Variants in DSCAM observed in about 807,000 individuals in gnomAD.
DSCAM encodes the protein cell adhesion molecule DSCAM.
A neutral mutation model predicts 217.7 loss-of-function variants in DSCAM; 47 were observed. That is an observed-to-expected ratio of 0.22 (90% confidence interval 0.17 to 0.28). DSCAM has a LOEUF of 0.28. Among genes scored for constraint, DSCAM ranks in the 10% least tolerant of loss-of-function variants. DSCAM has a pLI of 1.00. For missense variants in DSCAM, 2,080 were observed against 2,618.3 expected (o/e 0.79, Z 4.49); for synonymous variants, 1,056 against 1,015.3 (o/e 1.04, Z -0.76).
chr21:40,483,336 A>G (rs183542462), intron 3 of DSCAM, among the ~76,000 whole-genome samples: 6 of 152,320 alleles, frequency 3.9e-5, no homozygotes, highest in African/African-American at 1.4e-4. Flanking sequence ...GCTACCTATT[A>G]TGGATAAGTA....
intron 3 of DSCAM, among the ~76,000 whole-genome samples, chr21:40,568,357 A>G (rs542850226): frequency 2.2e-4 from 34 of 152,276 alleles, no homozygotes; most frequent in African/African-American, 8.2e-4. Context: ...AAAAAAGACA[A>G]TGAATTTGGA....
chr21:40,614,083 AC>A (rs1444253377), intron 3 of DSCAM, among the ~76,000 whole-genome samples: 1 of 151,944 alleles, frequency 6.6e-6, no homozygotes, highest in Non-Finnish European at 1.5e-5. Context: ...AACCAGTCCC[AC>A]CCCAGTCCCA....
chr21:40,594,344 G>C (rs1313284894), intron 3 of DSCAM, among the ~76,000 whole-genome samples: 2 of 152,182 alleles, frequency 1.3e-5, no homozygotes, highest in Non-Finnish European at 2.9e-5. Context: ...TTTACAGTGT[G>C]ACATAGCTTA....
intron 3 of DSCAM, among the ~76,000 whole-genome samples, chr21:40,583,971 T>C (rs913438422): frequency 4.2e-4 from 63 of 151,434 alleles, no homozygotes; most frequent in African/African-American, 1.5e-3. Context: ...CGTTTTTCTG[T>C]ATTTTGAAAA....
chr21:40,545,285 C>A (rs2076572911), intron 3 of DSCAM, among the ~76,000 whole-genome samples: 1 of 152,170 alleles, frequency 6.6e-6, no homozygotes, highest in Admixed American at 6.5e-5. Context: ...TTAAGCCACC[C>A]AGACGATGGT....
chr21:40,218,442 G>C (rs972244272), intron 11 of DSCAM, among the ~76,000 whole-genome samples: 2 of 152,074 alleles, frequency 1.3e-5, no homozygotes, highest in African/African-American at 4.8e-5. Context: ...TTCCAGCTTT[G>C]TTCTTTTTGC....
At chr21:40,329,969 T>C (rs1164957650) in intron 8 of DSCAM, among the ~76,000 whole-genome samples, 1 of 151,958 alleles carries the variant, frequency 6.6e-6, no homozygotes, top group Non-Finnish European at 1.5e-5. Flanking sequence ...ATGGTGACTG[T>C]AGCTAATAAT....
intron 3 of DSCAM, among the ~76,000 whole-genome samples, chr21:40,639,051 G>A (rs923383645): frequency 2.0e-5 from 3 of 149,676 alleles, no homozygotes; most frequent in Non-Finnish European, 4.4e-5. Flanking sequence ...TATTTGGGTC[G>A]TCATAGACCC....
chr21:40,064,644 A>C (rs2089179141), intron 27 of DSCAM, among the ~76,000 whole-genome samples: 1 of 152,126 alleles, frequency 6.6e-6, no homozygotes, highest in African/African-American at 2.4e-5. Flanking sequence ...ACCTTAAAGG[A>C]GCATGGGACG....
chr21:40,467,202 G>C (rs540951985), intron 3 of DSCAM, among the ~76,000 whole-genome samples: 148 of 152,274 alleles, frequency 9.7e-4, no homozygotes, highest in African/African-American at 2.9e-3. Context: ...CTGACACAAA[G>C]ATAGGTCACA....
chr21:40,046,021 ACTATAACCCAAAC>A (rs1197370646), intron 30 of DSCAM, among the ~76,000 whole-genome samples: 2 of 152,138 alleles, frequency 1.3e-5, no homozygotes, highest in Admixed American at 6.5e-5. Flanking sequence ...ACGTGATAAA[ACTATAACCCAAAC>A]CTTCTGCCTT....
intron 3 of DSCAM, among the ~76,000 whole-genome samples, chr21:40,507,752 C>T (rs186125351): frequency 2.2e-4 from 34 of 152,272 alleles, no homozygotes; most frequent in Admixed American, 5.9e-4. Context: ...CACTGCACTA[C>T]AGCCTGGGTG....
chr21:40,806,327 C>T (rs1316835541), intron 1 of DSCAM, among the ~76,000 whole-genome samples: 2 of 151,286 alleles, frequency 1.3e-5, no homozygotes, highest in Non-Finnish European at 1.5e-5. Flanking sequence ...TGTGGTGCCC[C>T]GATTCTCCCA....
intron 3 of DSCAM, among the ~76,000 whole-genome samples, chr21:40,470,660 C>A (rs1418627834): frequency 6.6e-6 from 1 of 152,128 alleles, no homozygotes; most frequent in East Asian, 1.9e-4. Flanking sequence ...CTCAAGAGAT[C>A]CTCCCACCTC....
intron 1 of DSCAM, among the ~76,000 whole-genome samples, chr21:40,838,745 A>G (rs866987993): frequency 6.6e-6 from 1 of 152,216 alleles, no homozygotes; most frequent in South Asian, 2.1e-4. Flanking sequence ...TGCCAATTTC[A>G]TAGTCTGGAG....
intron 11 of DSCAM, among the ~76,000 whole-genome samples, chr21:40,208,347 G>C (rs2091147496): frequency 2.0e-5 from 3 of 152,174 alleles, no homozygotes; most frequent in South Asian, 2.1e-4. Context: ...CCAGCTACCT[G>C]GGAGGCTGAG....
chr21:40,281,773 T>C (rs984870117), intron 10 of DSCAM, among the ~76,000 whole-genome samples: 2 of 152,238 alleles, frequency 1.3e-5, no homozygotes, highest in African/African-American at 2.4e-5. Context: ...CATGAATGTA[T>C]TGGCCATCTG....
intron 1 of DSCAM, among the ~76,000 whole-genome samples, chr21:40,825,477 C>A (rs181049821): frequency 6.6e-6 from 1 of 152,020 alleles, no homozygotes; most frequent in Non-Finnish European, 1.5e-5. Flanking sequence ...ACCACCACGC[C>A]CGGCTAATTT....
chr21:40,676,988 T>C (rs1003810101), intron 3 of DSCAM, among the ~76,000 whole-genome samples: 22 of 152,142 alleles, frequency 1.4e-4, no homozygotes, highest in Non-Finnish European at 2.8e-4. Flanking sequence ...TTCATTTGGC[T>C]TTTTCAATGA....
Sources: allele counts gnomAD v4.1 joint callset (sites outside exome capture counted in the v4.1 genomes callset), GRCh38; gene constraint gnomAD v4.1.1; transcripts MANE v1.5; gene names NCBI Gene and HGNC (gene_info 2026-07-23, HGNC 2026-07-21).